ZFAND3: variants seen among roughly 807,000 people sequenced by gnomAD.
ZFAND3 encodes the protein zinc finger AN1-type containing 3, also known as AN1-type zinc finger protein 3.
In ZFAND3, 10 loss-of-function variants were observed where a neutral mutation model predicts 29.6. That is an observed-to-expected ratio of 0.34 (90% confidence interval 0.21 to 0.57). ZFAND3 has a LOEUF of 0.57. Ranked by LOEUF, ZFAND3 falls within the 20% of genes least tolerant of loss-of-function variation. The pLI, the probability that ZFAND3 is intolerant of heterozygous loss-of-function variation, is 0.86. For synonymous variants in ZFAND3, 128 were observed against 112.6 expected (o/e 1.14, Z -0.87); for missense variants, 230 against 304.5 (o/e 0.76, Z 1.82).
intron 4 of ZFAND3, among the ~76,000 whole-genome samples, chr6:38,095,176 G>A (rs983980565): frequency 1.3e-5 from 2 of 152,018 alleles, no homozygotes; most frequent in East Asian, 3.8e-4. Context: ...CTTTTTCTAT[G>A]GGTCTAATGA....
intron 2 of ZFAND3, among the ~76,000 whole-genome samples, chr6:37,986,068 G>A (rs1440441640): frequency 2.0e-5 from 3 of 152,202 alleles, no homozygotes; most frequent in Non-Finnish European, 2.9e-5. Context: ...CTGCAGATAC[G>A]TTTGATTTGG....
chr6:37,899,948 C>A (rs1261294950), intron 1 of ZFAND3, among the ~76,000 whole-genome samples: 1 of 152,102 alleles, frequency 6.6e-6, no homozygotes, highest in African/African-American at 2.4e-5. Flanking sequence ...ACATACTATT[C>A]AGCTTCTTAT....
At chr6:38,092,597 G>A (rs1475475266) in intron 4 of ZFAND3, among the ~76,000 whole-genome samples, 1 of 152,202 alleles carries the variant, frequency 6.6e-6, no homozygotes, top group Admixed American at 6.5e-5. Context: ...CTAGAATGTG[G>A]AGGGAAAGTC....
At chr6:37,987,952 C>T (rs1762698202) in intron 2 of ZFAND3, among the ~76,000 whole-genome samples, 1 of 152,162 alleles carries the variant, frequency 6.6e-6, no homozygotes, top group African/African-American at 2.4e-5. Flanking sequence ...GGAATAAATT[C>T]TGAGTTTCTC....
At chr6:38,041,676 CTTCTTCTTCTCCTTCTCCTT>C (rs1763771320) in intron 2 of ZFAND3, among the ~76,000 whole-genome samples, 1 of 25,252 alleles carries the variant, frequency 4.0e-5, no homozygotes, top group African/African-American at 1.5e-4. Flanking sequence ...TCTTCTTCTT[CTTCTTCTTCTCCTTCTCCTT>C]CTCCTCCTCC....
At chr6:38,119,649 C>T (rs1765489695) in intron 5 of ZFAND3, among the ~76,000 whole-genome samples, 1 of 152,306 alleles carries the variant, frequency 6.6e-6, no homozygotes, top group East Asian at 1.9e-4. Flanking sequence ...CAATTAAAGG[C>T]AGGGAAGACG....
intron 5 of ZFAND3, among the ~76,000 whole-genome samples, chr6:38,144,937 G>A (rs1210857720): frequency 6.6e-6 from 1 of 151,948 alleles, no homozygotes; most frequent in Non-Finnish European, 1.5e-5. Flanking sequence ...CAAAATGTCA[G>A]GGGCTCAACT....
chr6:37,886,094 C>T (rs566180966), intron 1 of ZFAND3, among the ~76,000 whole-genome samples: 3 of 151,706 alleles, frequency 2.0e-5, no homozygotes, highest in South Asian at 2.1e-4. Context: ...AAAAACCAGC[C>T]GGGCGTGGAG....
At chr6:38,039,988 A>G (rs1763729599) in intron 2 of ZFAND3, among the ~76,000 whole-genome samples, 1 of 152,136 alleles carries the variant, frequency 6.6e-6, no homozygotes, top group African/African-American at 2.4e-5. Context: ...CCTGAATATT[A>G]TTACTCTTAA....
chr6:37,987,401 T>A lies in ZFAND3; in HGVS notation c.112+57402T>A, dbSNP rs183125493. ...AAATGTTTACAATCAAATAAGAAGT[T>A]AGTAGTAGGCATAGAATTCATTTTA... On this transcript the variant is annotated intron_variant, in intron 2 of 5. Transcript: ENST00000287218. Among the ~76,000 whole-genome samples the A allele has an allele frequency of 4.6e-5, 7 of 152,354 alleles. No individual in the cohort carries two copies. In the East Asian group the frequency reaches 1.2e-3, roughly 25 times the overall value.
At chr6:37,929,933 CTTTCT>C in intron 1 of ZFAND3, 21 bp from the exon 2 acceptor site, 1 of 1,578,948 alleles carries the variant, frequency 6.3e-7, no homozygotes. Context: ...GCTCTTCTTT[CTTTCT>C]TTTCTTTTTG....
intron 1 of ZFAND3, among the ~76,000 whole-genome samples, chr6:37,900,962 G>C (rs919272562): frequency 1.3e-5 from 2 of 152,138 alleles, no homozygotes; most frequent in East Asian, 3.9e-4. Context: ...GGGGAACTGA[G>C]TGTGTGAAAG....
At chr6:37,927,736 AG>A (rs1761515319) in intron 1 of ZFAND3, among the ~76,000 whole-genome samples, 1 of 152,224 alleles carries the variant, frequency 6.6e-6, no homozygotes, top group Non-Finnish European at 1.5e-5. Flanking sequence ...TTACTTTCTC[AG>A]GGAACTGACT....
At chr6:37,852,317 C>T (rs959351301) in intron 1 of ZFAND3, among the ~76,000 whole-genome samples, 1 of 152,126 alleles carries the variant, frequency 6.6e-6, no homozygotes, top group Non-Finnish European at 1.5e-5. Context: ...TCAGTAGAGG[C>T]CAAGGATACT....
intron 1 of ZFAND3, among the ~76,000 whole-genome samples, chr6:37,900,365 T>C (rs1305335789): frequency 6.6e-6 from 1 of 152,198 alleles, no homozygotes; most frequent in Admixed American, 6.5e-5. Flanking sequence ...TCTCTTGGAA[T>C]AGGCTTGCAG....
At chr6:37,856,580 G>T (rs1171311522) in intron 1 of ZFAND3, among the ~76,000 whole-genome samples, 2 of 152,084 alleles carry the variant, frequency 1.3e-5, no homozygotes, top group Non-Finnish European at 2.9e-5. Flanking sequence ...CACTCCACCT[G>T]TGTATGGTTT....
intron 1 of ZFAND3, among the ~76,000 whole-genome samples, chr6:37,915,977 C>T (rs1327828831): frequency 6.6e-6 from 1 of 151,766 alleles, no homozygotes; most frequent in Non-Finnish European, 1.5e-5. Flanking sequence ...CCATGTTGGT[C>T]AGGCTGGTCT....
intron 2 of ZFAND3, among the ~76,000 whole-genome samples, chr6:37,983,805 A>G (rs916439031): frequency 1.3e-5 from 2 of 152,236 alleles, no homozygotes; most frequent in Admixed American, 6.5e-5. Flanking sequence ...TCCAAGAGCT[A>G]TAGGCTATAC....
At chr6:38,069,439 A>G (rs1193098249) in intron 3 of ZFAND3, among the ~76,000 whole-genome samples, 2 of 152,188 alleles carry the variant, frequency 1.3e-5, no homozygotes, top group Non-Finnish European at 2.9e-5. Context: ...CCGATATATA[A>G]TAGTCTCAAA....
Sources: gnomAD v4.1 joint callset for allele counts (sites outside exome capture counted in the v4.1 genomes callset) on GRCh38, gnomAD v4.1.1 for gene constraint, MANE v1.5 for transcripts, NCBI Gene and HGNC (gene_info 2026-07-23, HGNC 2026-07-21) for gene names.